Variants in MICAL3 observed in about 807,000 individuals in gnomAD.
The protein encoded by MICAL3 is [F-actin]-monooxygenase MICAL3.
MICAL3 carries 62 observed loss-of-function variants against 207.4 expected under a neutral mutation model. The ratio of observed to expected loss-of-function variants is 0.30; its 90% CI spans 0.24 to 0.37. MICAL3 has a LOEUF of 0.37. Ranked by LOEUF, MICAL3 falls within the 10% of genes least tolerant of loss-of-function variation. The pLI is 1.00. For synonymous variants in MICAL3, 1,077 were observed against 1,069.3 expected (o/e 1.01, Z -0.14); for missense variants, 2,368 against 2,635.6 (o/e 0.90, Z 2.22).
At position 17,817,324 on chromosome 22, in the gene MICAL3, G is replaced by A. The variant is rs1374294828; in HGVS notation, c.5337C>T (p.Pro1779=). The A allele has an allele frequency of 1.7e-5, 28 of 1,601,018 alleles. No individual in the cohort carries two copies. In the Admixed American group the frequency reaches 2.2e-4, roughly 13 times the overall value. Residue 1779 remains proline (P), a synonymous_variant, in exon 26 of 32, where the codon CCC becomes CCT. Coordinates refer to ENST00000441493, the MANE Select transcript of MICAL3 (RefSeq NM_015241.3). ...CTGCTGACGCACCTGCCCTTACGAC[G>A]GGAAGCACCCTGTGCTTTCCAGAGT... ...TVDSGKHRVL[P]VVRAELQLRR...
Position 17,841,759 on chromosome 22 carries a change from C to G in MICAL3, c.2801+63G>C, listed in dbSNP as rs1207895117. ...TTCACTGAGAAGAAACCGAGACACACAGAGGTGAGGAGGCTCTTAGGGCCG... is the reference window on the plus strand; with the variant it reads ...TTCACTGAGAAGAAACCGAGACACAGAGAGGTGAGGAGGCTCTTAGGGCCG... On this transcript the variant is annotated intron_variant, in intron 20 of 31. Transcript: ENST00000441493. This position sits in a 1 kb window ranked among gnomAD's most constrained non-coding sequence, Gnocchi z 4.2. The G allele has an allele frequency of 6.7e-7, 1 of 1,496,318 alleles. No individual in the cohort carries two copies. 92.7% of individuals were successfully genotyped at this position (1,496,318 alleles called of 1,614,324 possible).
At chr22:17,794,258 C>G (rs1026622965) in intron 29 of MICAL3, among the ~76,000 whole-genome samples, 1 of 152,246 alleles carries the variant, frequency 6.6e-6, no homozygotes, top group African/African-American at 2.4e-5. Flanking sequence ...CTCCTCAAAG[C>G]CCCTGGATAG....
chr22:17,964,459 C>G (rs1935057414), intron 1 of MICAL3, among the ~76,000 whole-genome samples: 1 of 152,346 alleles, frequency 6.6e-6, no homozygotes, highest in Non-Finnish European at 1.5e-5. Flanking sequence ...TGGGTCCTGT[C>G]ACTATCTGCG....
At chr22:17,980,751 T>C (rs1224896098) in intron 1 of MICAL3, 4 of 451,810 alleles carry the variant, frequency 8.9e-6, no homozygotes, top group South Asian at 1.6e-5. Context: ...TTCCGTCTTA[T>C]CATTCCGCCC....
intron 19 of MICAL3, among the ~76,000 whole-genome samples, chr22:17,848,418 T>C (rs552568988): frequency 2.0e-5 from 3 of 152,364 alleles, no homozygotes; most frequent in African/African-American, 7.2e-5. Flanking sequence ...TTCGGAACCA[T>C]GTCTGGCCCA....
chr22:17,998,834 G>A (rs1922610927), intron 1 of MICAL3, among the ~76,000 whole-genome samples: 1 of 152,138 alleles, frequency 6.6e-6, no homozygotes, highest in Non-Finnish European at 1.5e-5. Context: ...TTACAGGTGT[G>A]AGCCACCGCG....
chr22:17,819,124 G>A lies in MICAL3; in HGVS notation c.3537C>T (p.Pro1179=). The part of the protein sequence containing the change: ...IPVHSPSTEG[P]QLPPVPAATQ... ...TGGCGGCAGGGACAGGTGGGAGTTG[G>A]GGCCCCTACAGGGAAGGAAGACAGA... Residue 1179 remains proline (P), a synonymous_variant, in exon 26 of 32, where the codon CCC becomes CCT. Transcript: ENST00000441493. The A allele has an allele frequency of 3.4e-6, 5 of 1,487,278 alleles. No individual in the cohort carries two copies. The highest frequency in any genetic ancestry group is 4.5e-6 in the Non-Finnish European group (5 of 1,115,888). The allele number at this position is 1,487,278 out of a possible 1,614,324, so 92.1% of individuals were successfully genotyped here. A position where few individuals can be genotyped will look rare whatever the true frequency, so the allele number is the denominator to read the frequency against.
intron 19 of MICAL3, among the ~76,000 whole-genome samples, chr22:17,849,688 A>ATTT (rs57344653): frequency 1.7e-4 from 6 of 36,280 alleles, no homozygotes; most frequent in Non-Finnish European, 2.4e-4. Flanking sequence ...GTGTGTGTGT[A>ATTT]TTTTTTTTTT....
At chr22:18,003,775 ATT>A (rs112926354) in intron 1 of MICAL3, among the ~76,000 whole-genome samples, 2 of 143,184 alleles carry the variant, frequency 1.4e-5, no homozygotes, top group Non-Finnish European at 1.5e-5. Context: ...CCCTTTCTTT[ATT>A]TTTTTTTTTT....
chr22:17,913,864 G>C (rs1372236930), intron 1 of MICAL3, among the ~76,000 whole-genome samples: 1 of 152,086 alleles, frequency 6.6e-6, no homozygotes, highest in Non-Finnish European at 1.5e-5. Context: ...ATCATAGCGA[G>C]GCACCCAATA....
intron 29 of MICAL3, among the ~76,000 whole-genome samples, chr22:17,798,034 G>A (rs78303915): frequency 8.7e-4 from 132 of 152,350 alleles, no homozygotes; most frequent in African/African-American, 3.0e-3. Context: ...GAGGGCCAAT[G>A]AGGGAGACTT....
At chr22:17,881,443 GC>G in intron 16 of MICAL3, 2 of 670,088 alleles carry the variant, frequency 3.0e-6, no homozygotes, top group Non-Finnish European at 2.6e-6. Context: ...TCAGAGGGCA[GC>G]CCAGTGGTCT....
rs7675 is a variant in MICAL3, at chr22:17,788,013, C to T, written c.*2719G>A. On this transcript the variant is annotated 3_prime_UTR_variant, in exon 32 of 32. Transcript: ENST00000441493. ...CTGCTCCCGCACCTGGTGTTTTATG[C>T]GTGTGATATATGTGTATCCATCCTG... The T allele has an allele frequency of 0.16, 24,900 of 152,298 alleles. 2,477 individuals carry two copies. Among genetic ancestry groups the T allele is most frequent in the Non-Finnish European group, 0.23 (15,735 of 67,994 alleles). 9.4% of individuals were successfully genotyped at this position (152,298 alleles called of 1,614,324 possible). A position where few individuals can be genotyped will look rare whatever the true frequency, so the allele number is the denominator to read the frequency against.
chr22:17,929,093 CTT>C (rs58091241), intron 1 of MICAL3, among the ~76,000 whole-genome samples: 4 of 137,620 alleles, frequency 2.9e-5, no homozygotes, highest in African/African-American at 2.6e-5. Flanking sequence ...GTGCCCGGCC[CTT>C]TTTTTTTTTT....
At chr22:17,930,408 T>C (rs1011178178) in intron 1 of MICAL3, among the ~76,000 whole-genome samples, 2 of 152,186 alleles carry the variant, frequency 1.3e-5, no homozygotes, top group Non-Finnish European at 2.9e-5. Flanking sequence ...AACATTCAAA[T>C]GACCAACAGC....
At position 17,896,233 on chromosome 22, in the gene MICAL3, T is replaced by C; in HGVS notation, c.1322+13A>G. 2.0e-6 allele frequency: 3 copies of C among 1,499,826 alleles called. No individual in the cohort carries two copies. The highest frequency in any genetic ancestry group is 2.7e-6 in the Non-Finnish European group (3 of 1,099,522). The allele number at this position is 1,499,826 out of a possible 1,614,324, so 92.9% of individuals were successfully genotyped here. On this transcript the variant is annotated intron_variant, in intron 9 of 31. Transcript: ENST00000441493. ...TTTTCTCATGAAAGGAACCCCGGGT[T>C]ACTTCCCATTACCTCTCTGCCAGCA...
intron 12 of MICAL3, among the ~76,000 whole-genome samples, chr22:17,891,014 G>C (rs1930350912): frequency 6.6e-6 from 1 of 152,178 alleles, no homozygotes; most frequent in Admixed American, 6.5e-5. Context: ...ATCATAAATT[G>C]GTCAACTGTT....
At chr22:17,799,923 A>G (rs534064050) in intron 29 of MICAL3, among the ~76,000 whole-genome samples, 47 of 150,352 alleles carry the variant, frequency 3.1e-4, no homozygotes, top group Non-Finnish European at 4.9e-4. Flanking sequence ...ACACACACAC[A>G]CGCGCGCTGG....
Position 17,885,418 on chromosome 22 carries a change from A to G in MICAL3, c.2241+460T>C, listed in dbSNP as rs1025341976. On this transcript the variant is annotated intron_variant, in intron 16 of 31. Coordinates refer to ENST00000441493, the MANE Select transcript of MICAL3 (RefSeq NM_015241.3). Reference sequence around the variant, plus strand: ...AATGAAAAAAGGAGAATCGAAAAGTATATGTTAAGAATGACCTCATCTACA... The same window carrying G: ...AATGAAAAAAGGAGAATCGAAAAGTGTATGTTAAGAATGACCTCATCTACA... Among the ~76,000 whole-genome samples, 11 of 152,350 alleles carry G rather than the reference A, an allele frequency of 7.2e-5. 1 individual carries two copies. Among genetic ancestry groups the G allele is most frequent in the Middle Eastern group, 6.8e-3 (2 of 294 alleles).
Sources: allele counts gnomAD v4.1 joint callset (sites outside exome capture counted in the v4.1 genomes callset), GRCh38; gene constraint gnomAD v4.1.1; non-coding constraint Gnocchi (gnomAD v3.1); transcripts MANE v1.5; gene names NCBI Gene and HGNC (gene_info 2026-07-23, HGNC 2026-07-21).